Variants in GNAS observed in about 807,000 individuals in gnomAD.
The protein encoded by GNAS is protein ALEX.
A neutral mutation model predicts 54.5 loss-of-function variants in GNAS; 8 were observed. The observed-to-expected ratio is 0.15, with a 90% CI of 0.09 to 0.26. The LOEUF is 0.26. Among genes scored for constraint, GNAS ranks in the 10% least tolerant of loss-of-function variants. GNAS has a pLI of 1.00. For missense variants in GNAS, 170 were observed against 529.8 expected (o/e 0.32, Z 6.67); for synonymous variants, 204 against 191.4 (o/e 1.07, Z -0.54).
rs200585625 is a variant in GNAS, at chr20:58,854,965, A to G, written c.43+14079A>G. On this transcript the variant is annotated intron_variant, in intron 1 of 12. Transcript: ENST00000306090. ...CGCGGCCGCCGCGTGTACTACGATG[A>G]AGGGGTGGCCAGCAGCGACGATGAC... 3.2e-5 allele frequency: 52 copies of G among 1,611,508 alleles called. No individual in the cohort carries two copies. In the Admixed American group the frequency reaches 8.5e-4, roughly 26 times the overall value.
chr20:58,874,214 C>G (rs1484892200), intron 1 of GNAS, among the ~76,000 whole-genome samples: 1 of 152,170 alleles, frequency 6.6e-6, no homozygotes, highest in Non-Finnish European at 1.5e-5. Flanking sequence ...GAGGCACAGC[C>G]CAGAGGGTTA....
chr20:58,892,302 G>A (rs2089501851), intron 1 of GNAS: 1 of 411,580 alleles, frequency 2.4e-6, no homozygotes, highest in African/African-American at 2.2e-5. Flanking sequence ...GTGGCGGGTA[G>A]AGGGAGGGGG....
intron 1 of GNAS, among the ~76,000 whole-genome samples, chr20:58,871,625 A>C (rs1196407472): frequency 6.8e-6 from 1 of 147,644 alleles, no homozygotes; most frequent in Non-Finnish European, 1.5e-5. Context: ...AAAAAAAAAA[A>C]AAAACAAACA....
intron 1 of GNAS, among the ~76,000 whole-genome samples, chr20:58,868,114 A>T (rs1158287040): frequency 6.7e-6 from 1 of 148,716 alleles, no homozygotes; most frequent in Non-Finnish European, 1.5e-5. Context: ...TCCACCTCCC[A>T]GGTTCAAGCA....
At position 58,863,602 on chromosome 20, in the gene GNAS, C is replaced by T. The variant is rs1476211919; in HGVS notation, c.43+22716C>T. The T allele has an allele frequency of 6.6e-6, 1 of 152,098 alleles. No homozygotes were observed. The allele number at this position is 152,098 out of a possible 1,614,324, so 9.4% of individuals were successfully genotyped here. A position where few individuals can be genotyped will look rare whatever the true frequency, so the allele number is the denominator to read the frequency against. ...AATGGGAAGGAAAAAAATCTCTGTA[C>T]TACTTTCTAAAGAGTGTCACAGTTG... On this transcript the variant is annotated intron_variant, in intron 1 of 12. Coordinates refer to the GNAS transcript ENST00000306090. This position sits in a 1 kb window ranked among gnomAD's most constrained non-coding sequence, Gnocchi z 4.1.
Position 58,856,050 on chromosome 20 carries a change from G to C in GNAS, c.43+15164G>C, listed in dbSNP as rs1420685978. 1.6e-5 allele frequency: 3 copies of C among 192,908 alleles called. No individual in the cohort carries two copies. Among genetic ancestry groups the C allele is most frequent in the African/African-American group, 7.0e-5 (3 of 42,690 alleles). 11.9% of individuals were successfully genotyped at this position (192,908 alleles called of 1,614,324 possible). ...TGGCGGGGCCTCCCGGGAAATAAGC[G>C]GGGCCCTTGGCCTGGGGGAGCGGGG... On this transcript the variant is annotated intron_variant, in intron 1 of 12. Transcript: ENST00000306090. This position sits in a 1 kb window ranked among gnomAD's most constrained non-coding sequence, Gnocchi z 4.2.
At position 58,841,045 on chromosome 20, in the gene GNAS, T is replaced by TC. The variant is rs1200874939; in HGVS notation, c.43+164dup. ...GGGGTCAGGGTGAGGCGGCGAGGGC[T>TC]CCCCCAAACTTCCCAGGATGCCAGG... On this transcript the variant is annotated intron_variant, in intron 1 of 12. Coordinates refer to the GNAS transcript ENST00000306090. The surrounding 1 kb of genome is among the most constrained non-coding windows in gnomAD (Gnocchi z 5.0). 6.6e-6 allele frequency among the ~76,000 whole-genome samples: 1 copy of TC among 151,636 alleles called. No homozygotes were observed. The highest frequency in any genetic ancestry group is 1.5e-5 in the Non-Finnish European group (1 of 67,898).
chr20:58,854,161 G>A (rs1304991835), intron 1 of GNAS: 9 of 1,612,628 alleles, frequency 5.6e-6, no homozygotes, highest in Non-Finnish European at 7.6e-6. Flanking sequence ...ACGGGCAGCA[G>A]CCCCTGGATG....
intron 3 of GNAS, 145 bp downstream of exon 3, chr20:58,899,130 C>T (rs546774290): frequency 5.3e-6 from 4 of 755,532 alleles, no homozygotes; most frequent in Admixed American, 4.0e-5. Context: ...TTGTGAATAA[C>T]ACACAATTTC....
At chr20:58,883,865 T>A (rs1349320747) in intron 1 of GNAS, among the ~76,000 whole-genome samples, 1 of 151,844 alleles carries the variant, frequency 6.6e-6, no homozygotes, top group Non-Finnish European at 1.5e-5. Context: ...GATGGTTAGT[T>A]CCCCCCTCAA....
At chr20:58,845,296 G>A (rs1291459558) in intron 1 of GNAS, among the ~76,000 whole-genome samples, 2 of 152,166 alleles carry the variant, frequency 1.3e-5, no homozygotes, top group Non-Finnish European at 2.9e-5. Flanking sequence ...AGCTATTTGA[G>A]ATAAACCAGT....
At chr20:58,893,158 T>G (rs1232202410) in intron 1 of GNAS, among the ~76,000 whole-genome samples, 2 of 145,694 alleles carry the variant, frequency 1.4e-5, no homozygotes, top group Non-Finnish European at 3.0e-5. Flanking sequence ...TGGGAAGAGA[T>G]AAAAAGACAT....
At chr20:58,850,403 G>C (rs1263971819) in intron 1 of GNAS, 1 of 397,380 alleles carries the variant, frequency 2.5e-6, no homozygotes, top group African/African-American at 2.1e-5. Flanking sequence ...GTGTCGAACA[G>C]AGACCCTGAA....
chr20:58,887,752 G>C (rs6128454), upstream of GNAS, among the ~76,000 whole-genome samples: 1 of 152,190 alleles, frequency 6.6e-6, no homozygotes, highest in African/African-American at 2.4e-5. Flanking sequence ...ACGGTGTCTA[G>C]GCTGCGCTTC....
In GNAS at chr20:58,873,790, C is replaced by T. The variant is rs1423934921; in HGVS notation, c.44-21822C>T. 2.0e-5 allele frequency among the ~76,000 whole-genome samples: 3 copies of T among 152,164 alleles called. No homozygotes were observed. The highest frequency in any genetic ancestry group is 7.2e-5 in the African/African-American group (3 of 41,434). ...GACAAAAGTATGAGACACTGCTACT[C>T]CCTTGATGGAATCAAAACAAACCCA... On this transcript the variant is annotated intron_variant, in intron 1 of 12. Transcript: ENST00000306090. The surrounding 1 kb of genome is among the most constrained non-coding windows in gnomAD (Gnocchi z 4.3).
upstream of GNAS, among the ~76,000 whole-genome samples, chr20:58,890,277 GA>G (rs2089040724): frequency 6.6e-6 from 1 of 150,744 alleles, no homozygotes; most frequent in Non-Finnish European, 1.5e-5. Flanking sequence ...GGCCGCCGCC[GA>G]CGACGACGAG....
At position 58,903,694 on chromosome 20, in the gene GNAS, A is replaced by G; in HGVS notation, c.335A>G (p.Asn112Ser). ...CAGACCATTGTGGCCGCCATGAGCA[A>G]CCTGGTGCCCCCCGTGGAGCTGGCC... ...AIETIVAAMS[N>S]LVPPVELANP... is the part of the protein sequence containing the mutation. The change falls in exon 5 of 13, where the codon AAC becomes AGC. Residue 112 changes from asparagine to serine, a missense_variant. Physicochemically the swap from Asn to Ser is conservative, Grantham distance 46 (BLOSUM62 1). Coordinates refer to ENST00000371085, the MANE Select transcript of GNAS (RefSeq NM_000516.7). 6.2e-7 allele frequency: 1 copy of G among 1,614,066 alleles called. No homozygotes were observed. Among genetic ancestry groups the G allele is most frequent in the South Asian group, 1.1e-5 (1 of 91,080 alleles).
At chr20:58,892,069 G>T in intron 1 of GNAS, 2 of 955,650 alleles carry the variant, frequency 2.1e-6, no homozygotes, top group South Asian at 9.7e-5. Flanking sequence ...AAACGGGGCG[G>T]GGGGCCGTGG....
chr20:58,894,149 A>G (rs1345997313), intron 1 of GNAS, among the ~76,000 whole-genome samples: 2 of 152,228 alleles, frequency 1.3e-5, no homozygotes, highest in Non-Finnish European at 2.9e-5. Context: ...GAGAACTACA[A>G]TGATCTTAAA....
Sources: allele counts gnomAD v4.1 joint callset (sites outside exome capture counted in the v4.1 genomes callset), GRCh38; gene constraint gnomAD v4.1.1; non-coding constraint Gnocchi (gnomAD v3.1); transcripts MANE v1.5; gene names NCBI Gene and HGNC (gene_info 2026-07-23, HGNC 2026-07-21).